The following XCL2 variants were observed in gnomAD, a reference collection of about 807,000 sequenced individuals.
XCL2 encodes the protein X-C motif chemokine ligand 2.
In XCL2, 8 loss-of-function variants were observed where a neutral mutation model predicts 7.2. That is an observed-to-expected ratio of 1.10 (90% CI 0.65 to 1.99). The LOEUF is 1.99. Ranked by LOEUF, XCL2 falls within the 30% of genes most tolerant of loss-of-function variation. The pLI is 0.00. For missense variants in XCL2, 131 were observed against 138.6 expected, an observed-to-expected ratio of 0.94 and a Z score of 0.28; for synonymous variants, 46 against 54.2, an observed-to-expected ratio of 0.85 and a Z score of 0.67.
rs747497420 is a variant in XCL2 at position 168,542,053 on chromosome 1, C to A, written c.116G>T (p.Arg39Leu). Residue 39 changes from arginine to leucine, a missense_variant, in exon 2 of 3, where the codon CGA becomes CTA. Physicochemically the swap from Arg to Leu is moderately radical, Grantham distance 102 (BLOSUM62 -2). Transcript: ENST00000367819. ...GGTCTTGATTCTGCTAACTGGCAGT[C>A]GCTGGGTAGTGAGGCTCACACAGGT... ...RRTCVSLTTQ[R>L]LPVSRIKTYT... 3.5e-5 allele frequency: 55 copies of A among 1,590,310 alleles called. No individual in the cohort carries two copies. Among genetic ancestry groups the A allele is most frequent in the Non-Finnish European group, 4.5e-5 (53 of 1,166,366 alleles).
At chr1:168,541,394 A>T (rs543720037) in intron 2 of XCL2, among the ~76,000 whole-genome samples, 1 of 152,226 alleles carries the variant, frequency 6.6e-6, no homozygotes, top group Non-Finnish European at 1.5e-5. Context: ...ACAAAAAGAC[A>T]TTTGAGGCCA....
rs142896007 is a variant in XCL2 at position 168,542,093 on chromosome 1, C to T, written c.76G>A (p.Val26Ile). Residue 26 changes from valine (V) to isoleucine (I), a missense_variant, in exon 2 of 3, where the codon GTC (valine) becomes ATC (isoleucine). By Grantham distance (29) the Val-to-Ile change is conservative (BLOSUM62 3). Transcript: ENST00000367819. Reference protein sequence around the residue: ...AYIVEGVGSEVSHRRTCVSLT... With the variant: ...AYIVEGVGSEISHRRTCVSLT... Reference sequence around the variant, plus strand: ...CTCACACAGGTCCTCCTATGTGAGACTTCACTCCCTACACCTGATGAGGAA... The same window carrying T: ...CTCACACAGGTCCTCCTATGTGAGATTTCACTCCCTACACCTGATGAGGAA... 499 of 1,524,990 alleles carry T rather than the reference C, an allele frequency of 3.3e-4. 39 individuals are homozygous for T. The Middle Eastern group carries it at 5.0e-3, about 15-fold the overall frequency. 94.5% of individuals were successfully genotyped at this position (1,524,990 alleles called of 1,614,324 possible).
chr1:168,543,986 T>C lies in XCL2; in HGVS notation c.-22A>G. The C allele has an allele frequency of 6.3e-7, 1 of 1,597,726 alleles. No homozygotes were observed. The highest frequency in any genetic ancestry group is 8.5e-7 in the Non-Finnish European group (1 of 1,171,670). ...TCATGGCTGAGGTCCCGCTGAGCTGTGCAGGGAGAGTGAGGATCGGGCTCT... is the reference window on the plus strand; with the variant it reads ...TCATGGCTGAGGTCCCGCTGAGCTGCGCAGGGAGAGTGAGGATCGGGCTCT... On this transcript the variant is annotated 5_prime_UTR_variant, in exon 1 of 3. Transcript: ENST00000367819.
chr1:168,541,937 G>T, intron 2 of XCL2, 56 bp downstream of exon 2: 13 of 1,550,784 alleles, frequency 8.4e-6, no homozygotes, highest in Non-Finnish European at 1.1e-5. Flanking sequence ...TCTATAGAGT[G>T]TATTTCTATA....
rs547319250 is a variant in XCL2 at position 168,542,241 on chromosome 1, C to T, written c.62-134G>A. ...ATTTGCTTTTTGGGGGAAGAGAGGA[C>T]TGATAGGCATCCCGAATCTCTTGCC... On this transcript the variant is annotated intron_variant, in intron 1 of 2. Coordinates refer to ENST00000367819, the MANE Select transcript of XCL2 (RefSeq NM_003175.4). The T allele has an allele frequency of 8.2e-5, 47 of 569,990 alleles. 1 individual carries two copies. In the Middle Eastern group the frequency reaches 1.5e-3, roughly 19 times the overall value. The allele number at this position is 569,990 out of a possible 1,614,324, so 35.3% of individuals were successfully genotyped here.
chr1:168,543,829 C>A (rs61801330), intron 1 of XCL2, 75 bp downstream of exon 1: 276,898 of 1,585,134 alleles, frequency 0.17, 26,635 homozygotes, highest in African/African-American at 0.33. Flanking sequence ...AGTCAAAACC[C>A]GAGTCAAACC....
In XCL2 at chr1:168,543,985, G is replaced by A. The variant is rs200021853; in HGVS notation, c.-21C>T. On this transcript the variant is annotated 5_prime_UTR_variant, in exon 1 of 3. Transcript: ENST00000367819. ...CTCATGGCTGAGGTCCCGCTGAGCT[G>A]TGCAGGGAGAGTGAGGATCGGGCTC... 45 of 1,597,682 alleles carry A rather than the reference G, an allele frequency of 2.8e-5. 1 individual carries two copies. The Admixed American group carries it at 5.5e-4, about 20-fold the overall frequency.
In XCL2 at chr1:168,541,103, C is replaced by A. The variant is rs752950275; in HGVS notation, c.194G>T (p.Gly65Val). 6.3e-5 allele frequency: 102 copies of A among 1,613,390 alleles called. 1 individual carries two copies. The highest frequency in any genetic ancestry group is 8.6e-5 in the Non-Finnish European group (101 of 1,179,630). ...TTGTGGATCAGCACAGACTTTTAGGCCACGTTTGGTAATAAAACTGTAACG... is the reference window on the plus strand; with the variant it reads ...TTGTGGATCAGCACAGACTTTTAGGACACGTTTGGTAATAAAACTGTAACG... ...LRAVIFITKR[G>V]LKVCADPQAT... The change falls in exon 3 of 3, where the codon GGC becomes GTC. Residue 65 changes from glycine (G) to valine (V), a missense_variant. Coordinates refer to ENST00000367819, the MANE Select transcript of XCL2 (RefSeq NM_003175.4).
chr1:168,541,302 A>T (rs113563373), intron 2 of XCL2, among the ~76,000 whole-genome samples, 182 bp from the exon 3 acceptor site: 19 of 152,202 alleles, frequency 1.2e-4, no homozygotes, highest in African/African-American at 2.9e-4. Context: ...CATAAAGGAG[A>T]AATATCTGCA....
chr1:168,541,899 A>G lies in XCL2; in HGVS notation c.176+94T>C, dbSNP rs189568921. Reference sequence around the variant, plus strand: ...TAAGTTGAGGTGTTCCTCTATGCTGACCTACTTTTCCTGAGGATGGCAGCA... The same window carrying G: ...TAAGTTGAGGTGTTCCTCTATGCTGGCCTACTTTTCCTGAGGATGGCAGCA... On this transcript the variant is annotated intron_variant, in intron 2 of 2. Transcript: ENST00000367819. 5.7e-5 allele frequency: 63 copies of G among 1,109,272 alleles called. No homozygotes were observed. The East Asian group carries it at 1.6e-3, about 28-fold the overall frequency. The allele number at this position is 1,109,272 out of a possible 1,614,324, so 68.7% of individuals were successfully genotyped here.
At position 168,542,254 on chromosome 1, in the gene XCL2, C is replaced by T. The variant is rs774352930; in HGVS notation, c.62-147G>A. ...GGGAAGAGAGGACTGATAGGCATCC[C>T]GAATCTCTTGCCCGTCACAGATTCT... On this transcript the variant is annotated intron_variant, in intron 1 of 2. Coordinates refer to ENST00000367819, the MANE Select transcript of XCL2 (RefSeq NM_003175.4). The T allele has an allele frequency of 2.6e-4, 126 of 491,080 alleles. 2 individuals are homozygous for T. Among genetic ancestry groups the T allele is most frequent in the Non-Finnish European group, 3.9e-4 (117 of 296,388 alleles). The allele number at this position is 491,080 out of a possible 1,614,324, so 30.4% of individuals were successfully genotyped here. A position where few individuals can be genotyped will look rare whatever the true frequency, so the allele number is the denominator to read the frequency against.
chr1:168,541,986 G>A lies in XCL2; in HGVS notation c.176+7C>T, dbSNP rs201016321. On this transcript the variant is annotated splice_region_variant and intron_variant, in intron 2 of 2. Transcript: ENST00000367819. ...ACCCAGCCCAACTTCTGAGGAGGCA[G>A]ACTCACATTACTGCTCTCAAGGAGC... is the stretch of plus-strand genomic sequence containing the variant. The A allele has an allele frequency of 1.0e-3, 1,611 of 1,608,930 alleles. 13 individuals are homozygous for A. In the African/African-American group the frequency reaches 0.015, roughly 15 times the overall value.
In XCL2 at chr1:168,541,006, G is replaced by T. The variant is rs756542443; in HGVS notation, c.291C>A (p.Thr97=). 10 of 1,613,630 alleles carry T rather than the reference G, an allele frequency of 6.2e-6. No individual in the cohort carries two copies. Among genetic ancestry groups the T allele is most frequent in the Non-Finnish European group, 8.5e-6 (10 of 1,179,708 alleles). Residue 97 remains threonine (T), a synonymous_variant, in exon 3 of 3, where the codon ACC becomes ACA. Coordinates refer to ENST00000367819, the MANE Select transcript of XCL2 (RefSeq NM_003175.4). ...KSNTRNNMIQ[T]KPTGTQQSTN... ...TCGATTGCTGGGTTCCTGTTGGCTT[G>T]GTCTGGATCATGTTATTTCTGGTGT...
chr1:168,540,992 G>C lies in XCL2; in HGVS notation c.305C>G (p.Thr102Ser), dbSNP rs1441418904. 2 of 1,613,650 alleles carry C rather than the reference G, an allele frequency of 1.2e-6. No individual in the cohort carries two copies. Among genetic ancestry groups the C allele is most frequent in the Non-Finnish European group, 8.5e-7 (1 of 1,179,712 alleles). ...CACAGCTGTATTGGTCGATTGCTGG[G>C]TTCCTGTTGGCTTGGTCTGGATCAT... ...NNMIQTKPTG[T>S]QQSTNTAVTL... The change falls in exon 3 of 3, where the codon ACC becomes AGC. Residue 102 changes from threonine to serine, a missense_variant. Physicochemically the swap from Thr to Ser is moderately conservative, Grantham distance 58. Coordinates refer to ENST00000367819, the MANE Select transcript of XCL2 (RefSeq NM_003175.4).
In XCL2 at chr1:168,543,829, C is replaced by T. The variant is rs61801330; in HGVS notation, c.61+75G>A. On this transcript the variant is annotated intron_variant, in intron 1 of 2. Transcript: ENST00000367819. ...ACAGCAGTTTAGTCCAGTCAAAACC[C>T]GAGTCAAACCCAAAATGTGTGCCCA... The T allele has an allele frequency of 4.4e-4, 706 of 1,596,622 alleles. 2 individuals are homozygous for T. The highest frequency in any genetic ancestry group is 1.4e-3 in the South Asian group (129 of 90,004).
chr1:168,543,550 CTGA>C (rs1234536356), intron 1 of XCL2, among the ~76,000 whole-genome samples: 6 of 149,342 alleles, frequency 4.0e-5, no homozygotes, highest in Admixed American at 6.8e-5. Context: ...GTAAGGAAAT[CTGA>C]TGTTATTAAA....
chr1:168,541,192 G>A, intron 2 of XCL2, 72 bp from the exon 3 acceptor site: 1 of 1,566,540 alleles, frequency 6.4e-7, no homozygotes, highest in Admixed American at 1.8e-5. Context: ...TTAAGATCAG[G>A]GCAGACATGA....
chr1:168,541,325 C>T (rs760908760), intron 2 of XCL2, among the ~76,000 whole-genome samples: 9 of 152,220 alleles, frequency 5.9e-5, no homozygotes, highest in Middle Eastern at 3.4e-3. Flanking sequence ...TAGTATCCAG[C>T]CCCTTTGTTC....
intron 2 of XCL2, among the ~76,000 whole-genome samples, chr1:168,541,549 A>G (rs2101815202): frequency 6.6e-6 from 1 of 152,298 alleles, no homozygotes; most frequent in African/African-American, 2.4e-5. Flanking sequence ...TCTAAAAATG[A>G]GATTCTGGTA....
Sources: allele counts gnomAD v4.1 joint callset (sites outside exome capture counted in the v4.1 genomes callset), GRCh38; gene constraint gnomAD v4.1.1; transcripts MANE v1.5; gene names NCBI Gene and HGNC (gene_info 2026-07-23, HGNC 2026-07-21).